The following CHODL variants were observed in gnomAD, a reference collection of about 807,000 sequenced individuals.
The protein encoded by CHODL is transmembrane protein MT75.
A neutral mutation model predicts 34.5 loss-of-function variants in CHODL; 29 were observed. The ratio of observed to expected loss-of-function variants is 0.84; its 90% CI spans 0.63 to 1.15. The LOEUF (loss-of-function observed/expected upper bound fraction) is 1.15. Among genes scored for constraint, CHODL ranks in the 50% most tolerant of loss-of-function variants. The pLI, the probability that CHODL is intolerant of heterozygous loss-of-function variation, is 0.00. For synonymous variants in CHODL, 125 were observed against 116.1 expected (o/e 1.08, Z -0.49); for missense variants, 332 against 332.5 (o/e 1.00, Z 0.01).
At chr21:17,945,867 TCACA>T (rs1470419804) in intron 1 of CHODL, among the ~76,000 whole-genome samples, 3 of 151,874 alleles carry the variant, frequency 2.0e-5, no homozygotes, top group Non-Finnish European at 2.9e-5. Flanking sequence ...GAGAAACATA[TCACA>T]CACAAAGGAA....
At chr21:18,001,631 T>C (rs1287344542) in intron 1 of CHODL, among the ~76,000 whole-genome samples, 2 of 152,206 alleles carry the variant, frequency 1.3e-5, no homozygotes, top group Non-Finnish European at 2.9e-5. Flanking sequence ...TGTTGCTTCT[T>C]CGTGAGTTTT....
intron 2 of CHODL, among the ~76,000 whole-genome samples, chr21:18,082,133 G>A (rs1053452571): frequency 1.3e-5 from 2 of 152,120 alleles, no homozygotes; most frequent in African/African-American, 4.8e-5. Context: ...CTTCTCCTTT[G>A]CTGTTCTTGT....
Position 17,977,451 on chromosome 21 carries a change from C to A in CHODL, c.-144-50421C>A, listed in dbSNP as rs373714954. Among the ~76,000 whole-genome samples, 2 of 150,146 alleles carry A rather than the reference C, an allele frequency of 1.3e-5. 1 individual carries two copies. Among genetic ancestry groups the A allele is most frequent in the Admixed American group, 1.3e-4 (2 of 15,106 alleles). On this transcript the variant is annotated intron_variant, in intron 1 of 6. Coordinates refer to the CHODL transcript ENST00000400127. ...CGTGATCTCGGCTCACTGCAACCTC[C>A]GCCTTCGGAGTTCAAGCGATTCTCC...
intron 2 of CHODL, among the ~76,000 whole-genome samples, chr21:18,210,857 C>T (rs971845572): frequency 3.3e-5 from 5 of 152,286 alleles, no homozygotes; most frequent in Non-Finnish European, 5.9e-5. Context: ...ACTCACATTA[C>T]TTCTCCAAAG....
At chr21:18,177,145 C>T (rs1032166946) in intron 2 of CHODL, among the ~76,000 whole-genome samples, 1 of 151,900 alleles carries the variant, frequency 6.6e-6, no homozygotes, top group Non-Finnish European at 1.5e-5. Context: ...AATAATTATA[C>T]AAATAATAAC....
chr21:17,955,495 A>C lies in CHODL; in HGVS notation c.-145+38095A>C, dbSNP rs1247806170. 2.9e-5 allele frequency among the ~76,000 whole-genome samples: 4 copies of C among 136,958 alleles called. 1 individual carries two copies. Among genetic ancestry groups the C allele is most frequent in the Admixed American group, 7.2e-5 (1 of 13,874 alleles). The allele number at this position is 136,958 out of a possible 152,430, so 89.8% of individuals were successfully genotyped here. A position where few individuals can be genotyped will look rare whatever the true frequency, so the allele number is the denominator to read the frequency against. ...TTTTATTACTTTTTTTTCCTCTTGGAAACACCTTTAGTTTTCAGGAGAGTC... is the reference window on the plus strand; with the variant it reads ...TTTTATTACTTTTTTTTCCTCTTGGCAACACCTTTAGTTTTCAGGAGAGTC... On this transcript the variant is annotated intron_variant, in intron 1 of 6. Coordinates refer to the CHODL transcript ENST00000400127.
intron 1 of CHODL, among the ~76,000 whole-genome samples, chr21:17,985,277 A>G (rs1384733729): frequency 6.6e-6 from 1 of 152,100 alleles, no homozygotes; most frequent in African/African-American, 2.4e-5. Flanking sequence ...TTGCACTTTT[A>G]TCAGACTTTC....
rs539048282 is a variant in CHODL, at chr21:18,113,303, G to A, written c.-45+85332G>A. 4.7e-5 allele frequency among the ~76,000 whole-genome samples: 7 copies of A among 149,776 alleles called. No homozygotes were observed. In the East Asian group the frequency reaches 7.9e-4, roughly 17 times the overall value. On this transcript the variant is annotated intron_variant, in intron 2 of 6. Transcript: ENST00000400127. ...AAAAGTGAATTCTTGCACACTGTTG[G>A]TGGGAATGTAAATTAGTACAACCAC...
At position 18,209,590 on chromosome 21, in the gene CHODL, A is replaced by G. The variant is rs376305414; in HGVS notation, c.-44-46919A>G. 2.5e-4 allele frequency among the ~76,000 whole-genome samples: 38 copies of G among 152,242 alleles called. No homozygotes were observed. The East Asian group carries it at 3.1e-3, about 12-fold the overall frequency. ...TCTTTCCACTCCTTTTCTCAAGCTG[A>G]AGGACACTCTCCACATAACCATGAC... On this transcript the variant is annotated intron_variant, in intron 2 of 6. Coordinates refer to the CHODL transcript ENST00000400127.
chr21:18,051,672 T>C (rs2146469339), intron 2 of CHODL, among the ~76,000 whole-genome samples: 1 of 152,086 alleles, frequency 6.6e-6, no homozygotes, highest in East Asian at 1.9e-4. Context: ...GCAGGAATTT[T>C]AAGAAATGTT....
chr21:17,965,911 A>ATTTTTTTT (rs34819022), intron 1 of CHODL, among the ~76,000 whole-genome samples: 2 of 144,982 alleles, frequency 1.4e-5, no homozygotes, highest in Non-Finnish European at 3.0e-5. Context: ...AGAGAAGGTA[A>ATTTTTTTT]TTTTTTTTTT....
chr21:18,262,117 C>A lies in CHODL; in HGVS notation c.635-674C>A, dbSNP rs2074389595. On this transcript the variant is annotated intron_variant, in intron 4 of 5. Coordinates refer to ENST00000299295, the MANE Select transcript of CHODL (RefSeq NM_024944.3). ...CTAAGGTTCTTAATGAAAGCTAGTC[C>A]ATGTCTGAATTGTAGATTTAATAAT... Among the ~76,000 whole-genome samples the A allele has an allele frequency of 2.0e-5, 3 of 151,838 alleles. No homozygotes were observed. The South Asian group carries it at 6.3e-4, about 32-fold the overall frequency.
intron 2 of CHODL, among the ~76,000 whole-genome samples, chr21:18,227,267 A>C (rs150549990): frequency 6.6e-6 from 1 of 152,178 alleles, no homozygotes; most frequent in Admixed American, 6.5e-5. Flanking sequence ...GGGGAGACAC[A>C]GACATTCAGA....
At chr21:18,148,124 G>T (rs2072919184) in intron 2 of CHODL, among the ~76,000 whole-genome samples, 2 of 152,142 alleles carry the variant, frequency 1.3e-5, no homozygotes, top group Non-Finnish European at 2.9e-5. Flanking sequence ...AATGATTTGT[G>T]TGAACTTCAA....
At chr21:18,220,290 A>T (rs1296011855) in intron 2 of CHODL, among the ~76,000 whole-genome samples, 1 of 152,154 alleles carries the variant, frequency 6.6e-6, no homozygotes. Flanking sequence ...GCCAGTGTAC[A>T]TCTTCTAATT....
chr21:18,048,551 CAAAA>C (rs1002061110), intron 2 of CHODL, among the ~76,000 whole-genome samples: 2 of 151,242 alleles, frequency 1.3e-5, no homozygotes, highest in African/African-American at 4.9e-5. Flanking sequence ...TATGTAGCAG[CAAAA>C]GAAAGAAAGA....
chr21:18,084,937 G>A (rs77119391), intron 2 of CHODL, among the ~76,000 whole-genome samples: 5 of 139,740 alleles, frequency 3.6e-5, no homozygotes, highest in African/African-American at 1.3e-4. Flanking sequence ...GTGTGTGTGT[G>A]TGTGTGTGTG....
Position 18,212,221 on chromosome 21 carries a change from A to G in CHODL, c.-44-44288A>G, listed in dbSNP as rs372636946. On this transcript the variant is annotated intron_variant, in intron 2 of 6. Coordinates refer to the CHODL transcript ENST00000400127. ...AGTCTGAATGTTAACGAATAGCATG[A>G]CTTTTCCACTGCCCAAACAATATCA... Among the ~76,000 whole-genome samples, 41 of 152,282 alleles carry G rather than the reference A, an allele frequency of 2.7e-4. No homozygotes were observed. In the East Asian group the frequency reaches 3.5e-3, roughly 13 times the overall value.
At chr21:18,253,258 G>A (rs1287940702) in intron 1 of CHODL, among the ~76,000 whole-genome samples, 1 of 151,584 alleles carries the variant, frequency 6.6e-6, no homozygotes, top group Non-Finnish European at 1.5e-5. Context: ...GAATGTTTGG[G>A]GCTTTGTTAC....
Sources: gnomAD v4.1 joint callset for allele counts (sites outside exome capture counted in the v4.1 genomes callset) on GRCh38, gnomAD v4.1.1 for gene constraint, MANE v1.5 for transcripts, NCBI Gene and HGNC (gene_info 2026-07-23, HGNC 2026-07-21) for gene names.